The following GALNT2 variants were observed in gnomAD, a reference collection of about 807,000 sequenced individuals.
The protein encoded by GALNT2 is polypeptide N-acetylgalactosaminyltransferase 2.
GALNT2 carries 31 observed loss-of-function variants against 81.4 expected under a neutral mutation model. That is an observed-to-expected ratio of 0.38 (90% CI 0.29 to 0.51). GALNT2 has a LOEUF of 0.51. Ranked by LOEUF, GALNT2 falls within the 20% of genes least tolerant of loss-of-function variation. The pLI is 0.87. For synonymous variants in GALNT2, 303 were observed against 287.4 expected (o/e 1.05, Z -0.55); for missense variants, 629 against 765.7 (o/e 0.82, Z 2.11).
chr1:230,168,456 C>T lies in GALNT2; in HGVS notation c.127-9762C>T, dbSNP rs575131715. ...TCTGAGGCCTTGCCCCTCCTGTCCC[C>T]GGAGCTGAGCTGATTATTCTCATTG... On this transcript the variant is annotated intron_variant, in intron 1 of 15. Coordinates refer to ENST00000366672, the MANE Select transcript of GALNT2 (RefSeq NM_004481.5). 7.2e-5 allele frequency among the ~76,000 whole-genome samples: 11 copies of T among 152,310 alleles called. No homozygotes were observed. The South Asian group carries it at 1.7e-3, about 23-fold the overall frequency.
At chr1:230,233,603 G>C (rs1664933477) in intron 3 of GALNT2, among the ~76,000 whole-genome samples, 1 of 151,972 alleles carries the variant, frequency 6.6e-6, no homozygotes, top group Admixed American at 6.6e-5. Flanking sequence ...ACAAGAGCAA[G>C]ACTCCGTCTC....
chr1:230,134,354 G>T (rs909398581), intron 1 of GALNT2, among the ~76,000 whole-genome samples: 1 of 152,070 alleles, frequency 6.6e-6, no homozygotes, highest in Admixed American at 6.6e-5. Flanking sequence ...TGATCCGCCC[G>T]CCTTGGCCTC....
intron 1 of GALNT2, among the ~76,000 whole-genome samples, chr1:230,069,703 C>A (rs190610538): frequency 5.4e-5 from 8 of 149,488 alleles, no homozygotes; most frequent in Non-Finnish European, 5.9e-5. Flanking sequence ...ATTCTCATAC[C>A]AAAAAAAAAA....
chr1:230,162,399 A>G (rs960349443), intron 1 of GALNT2, among the ~76,000 whole-genome samples: 2 of 152,200 alleles, frequency 1.3e-5, no homozygotes, highest in African/African-American at 2.4e-5. Context: ...TTAGAATTCT[A>G]AATATAGTTC....
At chr1:230,229,457 G>A (rs1195783832) in intron 3 of GALNT2, among the ~76,000 whole-genome samples, 4 of 152,158 alleles carry the variant, frequency 2.6e-5, no homozygotes, top group African/African-American at 9.7e-5. Flanking sequence ...ATACAGAGCA[G>A]GATGATCTCA....
At chr1:230,252,410 T>C (rs1414238788) in intron 10 of GALNT2, among the ~76,000 whole-genome samples, 2 of 152,148 alleles carry the variant, frequency 1.3e-5, no homozygotes, top group Non-Finnish European at 2.9e-5. Context: ...AACCCTTAAC[T>C]CTAACAATGG....
chr1:230,087,314 T>A (rs1558277483), intron 1 of GALNT2, among the ~76,000 whole-genome samples: 2 of 152,224 alleles, frequency 1.3e-5, no homozygotes, highest in Non-Finnish European at 2.9e-5. Flanking sequence ...ATGAAATATG[T>A]GCAGGGTGAA....
chr1:230,203,214 G>A lies in GALNT2; in HGVS notation c.298G>A (p.Ala100Thr), dbSNP rs1370421490. 7 of 1,614,030 alleles carry A rather than the reference G, an allele frequency of 4.3e-6. No homozygotes were observed. The highest frequency in any genetic ancestry group is 4.5e-5 in the East Asian group (2 of 44,900). ...TMVRSGQDPY[A>T]RNKFNQVESD... The stretch of plus-strand genomic sequence containing the variant: ...GGTCCGCTCCGGGCAGGACCCTTAC[G>A]CCCGCAACAAGTTCAACCAGGTGGA... Residue 100 changes from alanine to threonine, a missense_variant, in exon 3 of 16, where the codon GCC (alanine) becomes ACC (threonine). Ala to Thr is a moderately conservative substitution (Grantham distance 58, BLOSUM62 0). This residue lies in a region of GALNT2 where 360 missense variants were observed against 492.8 expected (regional missense o/e 0.73). Transcript: ENST00000366672.
At chr1:230,173,241 T>C (rs573372589) in intron 1 of GALNT2, among the ~76,000 whole-genome samples, 3 of 152,292 alleles carry the variant, frequency 2.0e-5, no homozygotes, top group South Asian at 4.1e-4. Context: ...TTCCAGAGGC[T>C]GCGTGTGGAT....
intron 15 of GALNT2, among the ~76,000 whole-genome samples, chr1:230,276,024 C>CAT (rs1405607623): frequency 8.3e-5 from 5 of 59,904 alleles, no homozygotes; most frequent in Admixed American, 6.0e-4. Flanking sequence ...ATATACATGC[C>CAT]ACATATATAT....
chr1:230,269,501 T>C (rs1306035001), intron 14 of GALNT2, among the ~76,000 whole-genome samples: 1 of 152,120 alleles, frequency 6.6e-6, no homozygotes, highest in East Asian at 1.9e-4. Flanking sequence ...AGAGAACTTT[T>C]ACAAAATGCT....
chr1:230,186,377 C>G (rs1663338345), intron 2 of GALNT2, among the ~76,000 whole-genome samples: 1 of 152,178 alleles, frequency 6.6e-6, no homozygotes, highest in South Asian at 2.1e-4. Context: ...AGTCGGCCTC[C>G]CTGTCATCTT....
chr1:230,265,467 A>G lies in GALNT2; in HGVS notation c.1440+100A>G, dbSNP rs12724657. 20,322 of 1,530,114 alleles carry G rather than the reference A, an allele frequency of 0.013. 177 individuals carry two copies. Among genetic ancestry groups the G allele is most frequent in the Non-Finnish European group, 0.016 (18,399 of 1,116,782 alleles). 94.8% of individuals were successfully genotyped at this position (1,530,114 alleles called of 1,614,324 possible). On this transcript the variant is annotated intron_variant, in intron 14 of 15. Coordinates refer to ENST00000366672, the MANE Select transcript of GALNT2 (RefSeq NM_004481.5). ...TCCCAGCTGCCACCTTTCTCCTGGG[A>G]TGGGTGATGTCTATGAGGAAGCACC...
intron 1 of GALNT2, among the ~76,000 whole-genome samples, chr1:230,075,794 G>A (rs1659533243): frequency 6.6e-6 from 1 of 152,182 alleles, no homozygotes; most frequent in Non-Finnish European, 1.5e-5. Context: ...AGGGATGAGG[G>A]CGGAAGGATA....
intron 3 of GALNT2, among the ~76,000 whole-genome samples, chr1:230,214,603 T>C (rs888614975): frequency 1.3e-5 from 2 of 152,226 alleles, no homozygotes; most frequent in Admixed American, 6.5e-5. Context: ...ATTTCTTTTT[T>C]TCAGCAATTT....
At chr1:230,249,130 G>A (rs1264031940) in intron 8 of GALNT2, 54 bp from the exon 9 acceptor site, 3 of 1,487,182 alleles carry the variant, frequency 2.0e-6, no homozygotes, top group Admixed American at 1.7e-5. Context: ...TGGGGGTGTC[G>A]GGAGGAAGTG....
chr1:230,207,783 G>C lies in GALNT2; in HGVS notation c.374+4493G>C, dbSNP rs149658077. ...TTTTGTAGAGATGGGGTCTTACTGT[G>C]TTGCCCAGGCTGGTCTCAAACTCCT... On this transcript the variant is annotated intron_variant, in intron 3 of 15. Transcript: ENST00000366672. Among the ~76,000 whole-genome samples, 204 of 152,206 alleles carry C rather than the reference G, an allele frequency of 1.3e-3. 2 individuals are homozygous for C. The highest frequency in any genetic ancestry group is 4.8e-3 in the African/African-American group (200 of 41,522).
intron 3 of GALNT2, among the ~76,000 whole-genome samples, chr1:230,232,003 T>G (rs1333795188): frequency 6.6e-6 from 1 of 152,230 alleles, no homozygotes; most frequent in Non-Finnish European, 1.5e-5. Flanking sequence ...AAAGTGCCCC[T>G]GGCAGCCAGC....
intron 1 of GALNT2, among the ~76,000 whole-genome samples, chr1:230,117,217 G>T (rs1164462978): frequency 1.3e-5 from 2 of 152,250 alleles, no homozygotes; most frequent in Non-Finnish European, 2.9e-5. Flanking sequence ...AGCTTTCATA[G>T]AATTGAGGAG....
Sources: allele counts gnomAD v4.1 joint callset (sites outside exome capture counted in the v4.1 genomes callset), GRCh38; gene constraint gnomAD v4.1.1; regional missense constraint gnomAD v4.1.1; transcripts MANE v1.5; gene names NCBI Gene and HGNC (gene_info 2026-07-23, HGNC 2026-07-21).